ABCB5: variants seen among roughly 807,000 people sequenced by gnomAD.
The protein encoded by ABCB5 is ATP binding cassette subfamily B member 5, also known as ATP-binding cassette sub-family B member 5.
A neutral mutation model predicts 144.2 loss-of-function variants in ABCB5; 155 were observed. That is an observed-to-expected ratio of 1.08 (90% confidence interval 0.94 to 1.23). The LOEUF (loss-of-function observed/expected upper bound fraction) is 1.23. ABCB5 is among the 50% of genes most tolerant of loss of function. The pLI is 0.00. For synonymous variants in ABCB5, 610 were observed against 528.6 expected (o/e 1.15, Z -2.11); for missense variants, 1,830 against 1,520.8 (o/e 1.20, Z -3.38).
chr7:20,648,538 G>A (rs6950370), intron 11 of ABCB5, among the ~76,000 whole-genome samples: 54,192 of 151,822 alleles, frequency 0.36, 10,386 homozygotes, highest in African/African-American at 0.5. Context: ...ACACACACAC[G>A]CAGTTTATCG....
chr7:20,620,122 T>C (rs772871756), intron 1 of ABCB5, among the ~76,000 whole-genome samples: 2 of 152,198 alleles, frequency 1.3e-5, no homozygotes, highest in African/African-American at 4.8e-5. Context: ...TTAGCTTTGT[T>C]CTTTTTCTTT....
At chr7:20,709,331 A>G (rs541663941) in intron 20 of ABCB5, among the ~76,000 whole-genome samples, 2 of 150,008 alleles carry the variant, frequency 1.3e-5, no homozygotes, top group South Asian at 2.1e-4. Flanking sequence ...CTAAGACAAG[A>G]TATTTTGTTT....
intron 24 of ABCB5, among the ~76,000 whole-genome samples, 200 bp from the exon 25 acceptor site, chr7:20,742,677 A>G (rs1368009984): frequency 6.6e-6 from 1 of 152,214 alleles, no homozygotes; most frequent in Non-Finnish European, 1.5e-5. Flanking sequence ...AGATAACAAG[A>G]AACACAGACA....
intron 5 of ABCB5, among the ~76,000 whole-genome samples, chr7:20,642,686 G>C (rs367992932): frequency 6.6e-6 from 1 of 151,992 alleles, no homozygotes; most frequent in African/African-American, 2.4e-5. Flanking sequence ...TATAATATTT[G>C]GATTGTTTTC....
intron 5 of ABCB5, among the ~76,000 whole-genome samples, chr7:20,641,352 AACAC>A (rs111933366): frequency 9.7e-4 from 105 of 108,346 alleles, no homozygotes; most frequent in African/African-American, 1.8e-3. Context: ...ATTATTGCAA[AACAC>A]ACACACACAC....
chr7:20,639,793 A>T (rs1784253510), intron 5 of ABCB5, among the ~76,000 whole-genome samples: 1 of 152,040 alleles, frequency 6.6e-6, no homozygotes, highest in Non-Finnish European at 1.5e-5. Flanking sequence ...AAGTTCTCCA[A>T]ATTTGTTCTT....
intron 26 of ABCB5, among the ~76,000 whole-genome samples, chr7:20,752,222 T>C (rs943800603): frequency 6.6e-6 from 1 of 152,226 alleles, no homozygotes; most frequent in East Asian, 1.9e-4. Context: ...AACTGATCCA[T>C]CTACACATTC....
intron 27 of ABCB5, among the ~76,000 whole-genome samples, chr7:20,754,554 A>T (rs1347049051): frequency 6.6e-6 from 1 of 152,012 alleles, no homozygotes; most frequent in East Asian, 1.9e-4. Flanking sequence ...TTCACCTTCC[A>T]CTCCCACTTT....
chr7:20,704,485 C>G (rs1341708384), intron 19 of ABCB5, among the ~76,000 whole-genome samples: 4 of 152,126 alleles, frequency 2.6e-5, no homozygotes. Flanking sequence ...GATTATTATA[C>G]TATATGTGGT....
rs575151665 is a variant in ABCB5 at position 20,681,753 on chromosome 7, T to C, written c.1869+87T>C. The C allele has an allele frequency of 1.6e-5, 23 of 1,479,198 alleles. No individual in the cohort carries two copies. In the East Asian group the frequency reaches 3.9e-4, roughly 25 times the overall value. 91.6% of individuals were successfully genotyped at this position (1,479,198 alleles called of 1,614,324 possible). ...ACTAGAAAACAAAAGTTGCAAATTA[T>C]AATCTTAAATTTCAAAAAGCAACCA... On this transcript the variant is annotated intron_variant, in intron 15 of 27. Coordinates refer to ENST00000404938, the MANE Select transcript of ABCB5 (RefSeq NM_001163941.2).
At chr7:20,681,724 C>A in intron 15 of ABCB5, 58 bp downstream of exon 15, 5 of 1,544,628 alleles carry the variant, frequency 3.2e-6, no homozygotes, top group African/African-American at 1.4e-5. Context: ...AGAGATCATA[C>A]CACACTAGAA....
intron 14 of ABCB5, among the ~76,000 whole-genome samples, chr7:20,669,342 TAGA>T (rs1370950293): frequency 2.5e-4 from 36 of 146,676 alleles, no homozygotes; most frequent in Admixed American, 4.7e-4. Flanking sequence ...TCTGTGTGGA[TAGA>T]AGTAGACATG....
At position 20,719,484 on chromosome 7, in the gene ABCB5, A is replaced by C. The variant is rs536227494; in HGVS notation, c.2422-3532A>C. 1.1e-3 allele frequency among the ~76,000 whole-genome samples: 169 copies of C among 152,356 alleles called. 2 individuals carry two copies. Among genetic ancestry groups the C allele is most frequent in the Non-Finnish European group, 2.0e-3 (138 of 68,036 alleles). Reference sequence around the variant, plus strand: ...TAATGTGCAAAAATGGGAATGAGAGAAATCGTATCCAAAGTATACACTTTA... The same window carrying C: ...TAATGTGCAAAAATGGGAATGAGAGCAATCGTATCCAAAGTATACACTTTA... On this transcript the variant is annotated intron_variant, in intron 20 of 27. Coordinates refer to ENST00000404938, the MANE Select transcript of ABCB5 (RefSeq NM_001163941.2).
intron 21 of ABCB5, 134 bp downstream of exon 21, chr7:20,723,353 G>T: frequency 1.1e-6 from 1 of 930,246 alleles, no homozygotes; most frequent in Non-Finnish European, 1.6e-6. Flanking sequence ...TCTGTAAAGT[G>T]ATATGTATAG....
chr7:20,752,474 AG>A (rs985279146), intron 26 of ABCB5, among the ~76,000 whole-genome samples: 16 of 152,356 alleles, frequency 1.1e-4, no homozygotes, highest in African/African-American at 3.8e-4. Flanking sequence ...ATTAGTAAGT[AG>A]GGGAACTAAG....
intron 5 of ABCB5, among the ~76,000 whole-genome samples, chr7:20,635,423 T>G (rs1245167129): frequency 6.6e-6 from 1 of 151,750 alleles, no homozygotes; most frequent in African/African-American, 2.4e-5. Flanking sequence ...ATTTTAGGAC[T>G]GTCTTTTCTA....
chr7:20,736,955 C>T (rs369598550), intron 23 of ABCB5, among the ~76,000 whole-genome samples: 6 of 152,150 alleles, frequency 3.9e-5, no homozygotes, highest in African/African-American at 4.8e-5. Flanking sequence ...TTTGGGAGGC[C>T]GAGGCAGGCG....
rs184264235 is a variant in ABCB5, at chr7:20,624,418, A to C, written c.53+1080A>C. ...CACTACAGACCTCATTGGTGAACCAAAAAAACTAACAGGTCAGTAGCAATA... is the reference window on the plus strand; with the variant it reads ...CACTACAGACCTCATTGGTGAACCACAAAAACTAACAGGTCAGTAGCAATA... On this transcript the variant is annotated intron_variant, in intron 2 of 27. Transcript: ENST00000404938. 3.0e-3 allele frequency among the ~76,000 whole-genome samples: 462 copies of C among 152,326 alleles called. 11 individuals are homozygous for C. The highest frequency in any genetic ancestry group is 0.028 in the Admixed American group (425 of 15,304).
At chr7:20,686,228 C>T (rs925694590) in intron 16 of ABCB5, among the ~76,000 whole-genome samples, 1 of 152,186 alleles carries the variant, frequency 6.6e-6, no homozygotes, top group Non-Finnish European at 1.5e-5. Flanking sequence ...AGGCCCAGCA[C>T]ATACACCACC....
Sources: gnomAD v4.1 joint callset for allele counts (sites outside exome capture counted in the v4.1 genomes callset) on GRCh38, gnomAD v4.1.1 for gene constraint, MANE v1.5 for transcripts, NCBI Gene and HGNC (gene_info 2026-07-23, HGNC 2026-07-21) for gene names.